IL1RAPL2: variants seen among roughly 807,000 people sequenced by gnomAD.
The protein encoded by IL1RAPL2 is X-linked interleukin-1 receptor accessory protein-like 2.
A neutral mutation model predicts 44.1 loss-of-function variants in IL1RAPL2; 3 were observed. That is an observed-to-expected ratio of 0.07 (90% CI 0.03 to 0.18). The LOEUF is 0.18. Among genes scored for constraint, IL1RAPL2 ranks in the 10% least tolerant of loss-of-function variants. The probability of loss-of-function intolerance (pLI) is 1.00; values close to 1 mark genes in which losing one functional copy is unlikely to be tolerated. For synonymous variants in IL1RAPL2, 181 were observed against 178.8 expected (o/e 1.01, Z -0.10); for missense variants, 391 against 496.4 (o/e 0.79, Z 2.02).
intron 1 of IL1RAPL2, among the ~76,000 whole-genome samples, chrX:104,623,280 G>C (rs1249375759): frequency 9.1e-6 from 1 of 110,208 alleles, no homozygotes; most frequent in Non-Finnish European, 1.9e-5. Context: ...TGCCTTGGCT[G>C]CTTGGTAGAA....
At chrX:104,741,138 T>C (rs1602706114) in intron 2 of IL1RAPL2, among the ~76,000 whole-genome samples, 1 of 111,663 alleles carries the variant, frequency 9.0e-6, no homozygotes, top group African/African-American at 3.2e-5. Flanking sequence ...ATAGTTGTGG[T>C]GCAACTAATC....
rs758332146 is a variant in IL1RAPL2 at position 104,909,438 on chromosome X, A to G, written c.82+250443A>G. Among the ~76,000 whole-genome samples the G allele has an allele frequency of 2.8e-3, 314 of 111,199 alleles. 2 individuals are homozygous for G. Among genetic ancestry groups the G allele is most frequent in the African/African-American group, 9.7e-3 (298 of 30,605 alleles). Reference sequence around the variant, plus strand: ...AGGTGCTCTGCTTTTTAGAGTTTCCAGTTTTTCTGTTCTGTTTTTTCCCCA... The same window carrying G: ...AGGTGCTCTGCTTTTTAGAGTTTCCGGTTTTTCTGTTCTGTTTTTTCCCCA... On this transcript the variant is annotated intron_variant, in intron 2 of 10. Coordinates refer to ENST00000372582, the MANE Select transcript of IL1RAPL2 (RefSeq NM_017416.2).
chrX:104,978,064 C>T (rs2030371090), intron 2 of IL1RAPL2, among the ~76,000 whole-genome samples: 1 of 111,575 alleles, frequency 9.0e-6, no homozygotes, highest in South Asian at 3.8e-4. Flanking sequence ...CCAAGCCCCA[C>T]CTCTGCAGTC....
chrX:105,412,306 G>GTATATATATA (rs56979628), intron 5 of IL1RAPL2, among the ~76,000 whole-genome samples: 1 of 93,178 alleles, frequency 1.1e-5, no homozygotes, highest in Non-Finnish European at 2.2e-5. Flanking sequence ...GAAAAATGTA[G>GTATATATATA]TATATATATA....
At chrX:104,849,230 A>G (rs1421938315) in intron 2 of IL1RAPL2, among the ~76,000 whole-genome samples, 1 of 106,204 alleles carries the variant, frequency 9.4e-6, no homozygotes, top group African/African-American at 3.4e-5. Context: ...GGATTTCTCT[A>G]CATGTTGCCC....
intron 2 of IL1RAPL2, among the ~76,000 whole-genome samples, chrX:105,119,006 T>C (rs923075427): frequency 9.0e-6 from 1 of 111,486 alleles, no homozygotes; most frequent in Admixed American, 9.5e-5. Flanking sequence ...TGGATCCCAG[T>C]ATTGCAGAAA....
At chrX:105,748,846 G>T (rs749113175) in intron 8 of IL1RAPL2, 114 bp from the exon 9 acceptor site, 5 of 729,509 alleles carry the variant, frequency 6.9e-6, no homozygotes, top group Non-Finnish European at 9.7e-6. Context: ...CATTAAGCAA[G>T]AATTTTCTGG....
intron 6 of IL1RAPL2, among the ~76,000 whole-genome samples, chrX:105,491,934 A>G: frequency 8.9e-6 from 1 of 112,138 alleles, no homozygotes; most frequent in South Asian, 3.7e-4. Context: ...CAATGTGATT[A>G]CGAACATCTC....
At chrX:104,648,121 A>G in intron 1 of IL1RAPL2, 1 of 393,608 alleles carries the variant, frequency 2.5e-6, no homozygotes. Context: ...ATTCTCAGGC[A>G]TGCATACATA....
chrX:104,896,364 T>A (rs981983753), intron 2 of IL1RAPL2, among the ~76,000 whole-genome samples: 1 of 111,675 alleles, frequency 9.0e-6, no homozygotes, highest in Admixed American at 9.5e-5. Context: ...TTCACTGGCC[T>A]TAAGAGTTCC....
chrX:105,613,190 T>C (rs2037349218), intron 6 of IL1RAPL2, among the ~76,000 whole-genome samples: 1 of 111,306 alleles, frequency 9.0e-6, no homozygotes, highest in Non-Finnish European at 1.9e-5. Flanking sequence ...TTCCAGGCCA[T>C]CTCTCCTGGA....
intron 5 of IL1RAPL2, among the ~76,000 whole-genome samples, chrX:105,481,647 A>G (rs975073504): frequency 8.0e-5 from 9 of 112,467 alleles, no homozygotes; most frequent in Non-Finnish European, 1.3e-4. Context: ...AGAAGGAAAT[A>G]TTTTAAAATA....
intron 1 of IL1RAPL2, among the ~76,000 whole-genome samples, chrX:104,642,272 T>C (rs930287119): frequency 6.2e-5 from 7 of 112,035 alleles, no homozygotes; most frequent in African/African-American, 2.3e-4. Flanking sequence ...TTTTCGTTCT[T>C]CTAAGTGGAG....
rs757400528 is a variant in IL1RAPL2 at position 105,576,513 on chromosome X, T to C, written c.772+92126T>C. ...CTAGTAAGTCAATAGGTCAGCAGTA[T>C]ATAGTGTTCTCATGCTCTACAAGCA... On this transcript the variant is annotated intron_variant, in intron 6 of 10. Transcript: ENST00000372582. Among the ~76,000 whole-genome samples, 5 of 111,708 alleles carry C rather than the reference T, an allele frequency of 4.5e-5. No homozygotes were observed. The South Asian group carries it at 1.9e-3, about 42-fold the overall frequency.
At chrX:105,313,836 C>A (rs186888887) in intron 5 of IL1RAPL2, among the ~76,000 whole-genome samples, 2 of 110,399 alleles carry the variant, frequency 1.8e-5, no homozygotes, top group Non-Finnish European at 3.8e-5. Context: ...TGAGGGAGTG[C>A]GGGAATGGAG....
At chrX:105,570,588 C>G (rs1375516381) in intron 6 of IL1RAPL2, among the ~76,000 whole-genome samples, 1 of 111,684 alleles carries the variant, frequency 9.0e-6, no homozygotes, top group African/African-American at 3.2e-5. Context: ...TCCCTTTTCA[C>G]CACATCCACA....
chrX:105,092,026 GATA>G (rs1164699706), intron 2 of IL1RAPL2, among the ~76,000 whole-genome samples: 2 of 112,104 alleles, frequency 1.8e-5, no homozygotes, highest in Admixed American at 9.4e-5. Flanking sequence ...ATGTGTGCTT[GATA>G]ATAATATCTG....
intron 2 of IL1RAPL2, among the ~76,000 whole-genome samples, chrX:104,966,160 A>T (rs2030118293): frequency 9.0e-6 from 1 of 111,247 alleles, no homozygotes; most frequent in Non-Finnish European, 1.9e-5. Flanking sequence ...TAGCAACTCA[A>T]CCTCCATCTC....
intron 5 of IL1RAPL2, among the ~76,000 whole-genome samples, chrX:105,296,734 A>C (rs2034657015): frequency 8.9e-6 from 1 of 112,481 alleles, no homozygotes; most frequent in African/African-American, 3.2e-5. Context: ...TCTGTCACCA[A>C]AAAATTCTGT....
Sources: allele counts gnomAD v4.1 joint callset (sites outside exome capture counted in the v4.1 genomes callset), GRCh38; gene constraint gnomAD v4.1.1; transcripts MANE v1.5; gene names NCBI Gene and HGNC (gene_info 2026-07-23, HGNC 2026-07-21).